Variants in DLG2 observed in about 807,000 individuals in gnomAD.
The protein encoded by DLG2 is discs large MAGUK scaffold protein 2.
A neutral mutation model predicts 132.5 loss-of-function variants in DLG2; 45 were observed. The ratio of observed to expected loss-of-function variants is 0.34; its 90% CI spans 0.27 to 0.44. DLG2 has a LOEUF of 0.44. Among genes scored for constraint, DLG2 ranks in the 20% least tolerant of loss-of-function variants. The pLI, the probability that DLG2 is intolerant of heterozygous loss-of-function variation, is 1.00. For synonymous variants in DLG2, 424 were observed against 419.6 expected, an observed-to-expected ratio of 1.01 and a Z score of -0.13; for missense variants, 1,045 against 1,196.9, an observed-to-expected ratio of 0.87 and a Z score of 1.87.
At chr11:83,478,041 T>C (rs1015993345) in intron 22 of DLG2, among the ~76,000 whole-genome samples, 2 of 152,108 alleles carry the variant, frequency 1.3e-5, no homozygotes, top group Non-Finnish European at 2.9e-5. Flanking sequence ...TTAGTACCTG[T>C]CACACTTTGT....
At position 84,429,518 on chromosome 11, in the gene DLG2, C is replaced by T. The variant is rs76039839; in HGVS notation, c.519+105052G>A. On this transcript the variant is annotated intron_variant, in intron 7 of 27. Coordinates refer to ENST00000376104, the MANE Select transcript of DLG2 (RefSeq NM_001142699.3). ...TCATCCAACCAGGGTTCATTTAGGACCTTATAGATGCTAGGTGTCCAGACC... is the reference window on the plus strand; with the variant it reads ...TCATCCAACCAGGGTTCATTTAGGATCTTATAGATGCTAGGTGTCCAGACC... 5.8e-3 allele frequency among the ~76,000 whole-genome samples: 875 copies of T among 152,124 alleles called. 10 individuals carry two copies. The highest frequency in any genetic ancestry group is 0.01 in the Non-Finnish European group (699 of 67,990).
At chr11:85,452,893 C>T in intron 3 of DLG2, 1 of 203,614 alleles carries the variant, frequency 4.9e-6, no homozygotes. Flanking sequence ...TCACATTATA[C>T]TTTCTTGAAG....
intron 17 of DLG2, among the ~76,000 whole-genome samples, chr11:83,808,141 A>G (rs1038863026): frequency 6.6e-6 from 1 of 152,110 alleles, no homozygotes; most frequent in Non-Finnish European, 1.5e-5. Flanking sequence ...CCCTCCAGGC[A>G]TACTGTAGTC....
At chr11:84,949,653 T>A (rs1208846924) in intron 6 of DLG2, among the ~76,000 whole-genome samples, 4 of 152,218 alleles carry the variant, frequency 2.6e-5, no homozygotes, top group Non-Finnish European at 5.9e-5. Context: ...GAAATATGGC[T>A]CTGTTCTGCC....
At chr11:83,479,472 A>C (rs1433164713) in intron 22 of DLG2, among the ~76,000 whole-genome samples, 2 of 152,170 alleles carry the variant, frequency 1.3e-5, no homozygotes, top group African/African-American at 4.8e-5. Flanking sequence ...TCTGTGGGTC[A>C]CAGGTATTAG....
At chr11:84,015,868 T>A (rs561930910) in intron 11 of DLG2, among the ~76,000 whole-genome samples, 2 of 152,166 alleles carry the variant, frequency 1.3e-5, no homozygotes, top group Non-Finnish European at 2.9e-5. Flanking sequence ...ATCTTTATAA[T>A]AGAATGATTT....
chr11:84,609,111 A>G (rs916123931), intron 6 of DLG2, among the ~76,000 whole-genome samples: 1 of 152,172 alleles, frequency 6.6e-6, no homozygotes, highest in Non-Finnish European at 1.5e-5. Flanking sequence ...TTTCTGGCAC[A>G]AAGTGTCTCT....
chr11:84,384,001 A>C (rs1348885420), intron 7 of DLG2, among the ~76,000 whole-genome samples: 1 of 150,552 alleles, frequency 6.6e-6, no homozygotes, highest in Non-Finnish European at 1.5e-5. Context: ...AAACTTTTAT[A>C]CTCAAATAAA....
At position 84,703,859 on chromosome 11, in the gene DLG2, T is replaced by TAG. The variant is rs2059464493; in HGVS notation, c.358-169129_358-169128insCT. ...TAATGCTAAAACTATGTAGTGAAGA[T>TAG]ATATATATATATATATATATATATA... On this transcript the variant is annotated intron_variant, in intron 6 of 27. Transcript: ENST00000376104. 3.8e-5 allele frequency among the ~76,000 whole-genome samples: 4 copies of TAG among 104,548 alleles called. No homozygotes were observed. In the South Asian group the frequency reaches 8.1e-4, roughly 21 times the overall value. 68.6% of individuals were successfully genotyped at this position (104,548 alleles called of 152,430 possible).
At chr11:85,023,085 GAA>G (rs1270832828) in intron 6 of DLG2, among the ~76,000 whole-genome samples, 1 of 151,850 alleles carries the variant, frequency 6.6e-6, no homozygotes, top group Non-Finnish European at 1.5e-5. Flanking sequence ...CTAAAAAAAT[GAA>G]AAGTTAGGAG....
chr11:84,076,280 G>A (rs1386415140), intron 10 of DLG2, among the ~76,000 whole-genome samples: 1 of 152,224 alleles, frequency 6.6e-6, no homozygotes, highest in Non-Finnish European at 1.5e-5. Flanking sequence ...CTCCAGAAGA[G>A]AAAGGAGATC....
intron 4 of DLG2, among the ~76,000 whole-genome samples, chr11:85,195,760 T>G (rs985625829): frequency 2.6e-5 from 4 of 152,070 alleles, no homozygotes; most frequent in African/African-American, 9.6e-5. Context: ...TCTTCTGACC[T>G]CGTGATCCGC....
At chr11:84,940,418 G>T (rs1306617071) in intron 6 of DLG2, among the ~76,000 whole-genome samples, 5 of 152,308 alleles carry the variant, frequency 3.3e-5, no homozygotes, top group Middle Eastern at 3.4e-3. Flanking sequence ...CTCCCAAAGT[G>T]CTGGGATTAC....
chr11:84,430,731 G>C (rs1275535347), intron 7 of DLG2, among the ~76,000 whole-genome samples: 3 of 152,022 alleles, frequency 2.0e-5, no homozygotes, highest in African/African-American at 7.2e-5. Flanking sequence ...GCTCTGCCAG[G>C]GTGGGCAGCA....
chr11:84,296,384 C>T (rs574166294), intron 7 of DLG2, among the ~76,000 whole-genome samples: 5 of 152,192 alleles, frequency 3.3e-5, no homozygotes, highest in African/African-American at 9.6e-5. Context: ...TTCTCCTTCA[C>T]GTTTGGAGGA....
At chr11:84,995,956 C>G (rs533755181) in intron 6 of DLG2, among the ~76,000 whole-genome samples, 2 of 152,220 alleles carry the variant, frequency 1.3e-5, no homozygotes, top group East Asian at 3.9e-4. Flanking sequence ...TATTTTTACT[C>G]TAACATTTAA....
At chr11:84,515,797 T>C (rs953270427) in intron 7 of DLG2, among the ~76,000 whole-genome samples, 1 of 151,800 alleles carries the variant, frequency 6.6e-6, no homozygotes. Flanking sequence ...CTTTTTTAAG[T>C]GCACATAGAG....
At chr11:85,582,882 C>A (rs2078645543) in intron 3 of DLG2, among the ~76,000 whole-genome samples, 1 of 147,526 alleles carries the variant, frequency 6.8e-6, no homozygotes, top group African/African-American at 2.5e-5. Context: ...ACTGGCATAC[C>A]CTCTGGAGTT....
chr11:85,403,852 C>G (rs981569871), intron 3 of DLG2, among the ~76,000 whole-genome samples: 8 of 151,884 alleles, frequency 5.3e-5, no homozygotes, highest in Admixed American at 2.0e-4. Flanking sequence ...CAAAAGAAGA[C>G]AGAGGATTGA....
Sources: allele counts gnomAD v4.1 joint callset (sites outside exome capture counted in the v4.1 genomes callset), GRCh38; gene constraint gnomAD v4.1.1; transcripts MANE v1.5; gene names NCBI Gene and HGNC (gene_info 2026-07-23, HGNC 2026-07-21).